The following SEC24D variants were observed in gnomAD, a reference collection of about 807,000 sequenced individuals.
SEC24D encodes SEC24 homolog D, COPII component, also known as protein transport protein Sec24D.
In SEC24D, 69 loss-of-function variants were observed where a neutral mutation model predicts 116.9. The observed-to-expected ratio is 0.59, with a 90% CI of 0.49 to 0.72. The LOEUF (loss-of-function observed/expected upper bound fraction) is 0.72, where lower values mean the gene tolerates loss of function less well. Ranked by LOEUF, SEC24D falls within the 30% of genes least tolerant of loss-of-function variation. The pLI is 0.00. For missense variants in SEC24D, 1,131 were observed against 1,264.1 expected, an observed-to-expected ratio of 0.89 and a Z score of 1.60; for synonymous variants, 405 against 442.8, an observed-to-expected ratio of 0.91 and a Z score of 1.07.
Position 118,815,558 on chromosome 4 carries a change from G to A in SEC24D, c.566C>T (p.Pro189Leu), listed in dbSNP as rs985072925. 8.7e-6 allele frequency: 14 copies of A among 1,614,156 alleles called. No homozygotes were observed. The highest frequency in any genetic ancestry group is 3.3e-5 in the Admixed American group (2 of 60,026). ...NGPGASPLPL[P>L]MYRPDGLSGP... ...AGAGAGCCCATCTGGTCTGTACATT[G>A]GTAGAGGCAAAGGTGAGGCACCAGG... is the stretch of plus-strand genomic sequence containing the variant. The change falls in exon 5 of 23, where the codon CCA (proline) becomes CTA (leucine). Residue 189 changes from proline (P) to leucine (L), a missense_variant. By Grantham distance (98) the Pro-to-Leu change is moderately conservative. Transcript: ENST00000280551.
chr4:118,778,344 C>A (rs545366474), intron 8 of SEC24D, among the ~76,000 whole-genome samples: 1 of 152,190 alleles, frequency 6.6e-6, no homozygotes, highest in Non-Finnish European at 1.5e-5. Flanking sequence ...GTTTTCTCAG[C>A]ACCATTTATT....
intron 9 of SEC24D, 138 bp downstream of exon 9, chr4:118,768,035 T>A: frequency 1.6e-6 from 1 of 617,278 alleles, no homozygotes; most frequent in Non-Finnish European, 2.6e-6. Flanking sequence ...CTGTCATAGT[T>A]GGTTTCCTTC....
At position 118,815,121 on chromosome 4, in the gene SEC24D, C is replaced by A. The variant is rs146949196; in HGVS notation, c.708G>T (p.Leu236=). The part of the protein sequence containing the change: ...NSGPQMAGAQ[L]SYPGGFPGGP... The stretch of plus-strand genomic sequence containing the variant: ...CTCCAGGGAAGCCTCCTGGGTAAGA[C>A]AGTTGTGCGCCTGCCATCTGGGGAC... Residue 236 remains leucine (L), a synonymous_variant, in exon 6 of 23, where the codon CTG becomes CTT. Coordinates refer to ENST00000280551, the MANE Select transcript of SEC24D (RefSeq NM_014822.4). 5.0e-6 allele frequency: 8 copies of A among 1,614,120 alleles called. No individual in the cohort carries two copies. Among genetic ancestry groups the A allele is most frequent in the Non-Finnish European group, 6.8e-6 (8 of 1,180,000 alleles).
At chr4:118,784,081 T>C (rs1216567476) in intron 8 of SEC24D, among the ~76,000 whole-genome samples, 1 of 152,256 alleles carries the variant, frequency 6.6e-6, no homozygotes, top group Non-Finnish European at 1.5e-5. Context: ...TCCCCTGTGC[T>C]CCGACTGGGC....
In SEC24D at chr4:118,763,860, G is replaced by A. The variant is rs1469863107; in HGVS notation, c.1296+942C>T. 2.0e-5 allele frequency among the ~76,000 whole-genome samples: 3 copies of A among 152,154 alleles called. No individual in the cohort carries two copies. The East Asian group carries it at 5.8e-4, about 29-fold the overall frequency. ...ATATAAGAAGGTTTAAATTCCATGGGGATAAATGCTAAAATAGAGATATAG... is the reference window on the plus strand; with the variant it reads ...ATATAAGAAGGTTTAAATTCCATGGAGATAAATGCTAAAATAGAGATATAG... On this transcript the variant is annotated intron_variant, in intron 10 of 22. Coordinates refer to ENST00000280551, the MANE Select transcript of SEC24D (RefSeq NM_014822.4).
At chr4:118,729,386 T>C (rs1578372953) in intron 21 of SEC24D, 1 of 152,220 alleles carries the variant, frequency 6.6e-6, no homozygotes, top group Non-Finnish European at 1.5e-5. Context: ...CAATTCCCCA[T>C]GGATACCAAG....
At chr4:118,770,390 C>T (rs567319419) in intron 8 of SEC24D, among the ~76,000 whole-genome samples, 6 of 152,180 alleles carry the variant, frequency 3.9e-5, no homozygotes, top group East Asian at 1.9e-4. Flanking sequence ...GAGTAAGAAG[C>T]GGAAGACAAC....
intron 11 of SEC24D, among the ~76,000 whole-genome samples, chr4:118,755,497 C>T (rs1447842027): frequency 6.7e-6 from 1 of 148,166 alleles, no homozygotes; most frequent in Non-Finnish European, 1.5e-5. Flanking sequence ...AACTAAAGAG[C>T]TTGATCTGAA....
chr4:118,815,784 C>G (rs936558817), intron 4 of SEC24D, 58 bp from the exon 5 acceptor site: 1 of 1,560,332 alleles, frequency 6.4e-7, no homozygotes, highest in African/African-American at 1.4e-5. Context: ...TCTCTGACTT[C>G]TGCAAAGTAC....
chr4:118,737,058 G>A (rs944275738), intron 19 of SEC24D, among the ~76,000 whole-genome samples: 3 of 152,214 alleles, frequency 2.0e-5, no homozygotes, highest in African/African-American at 7.2e-5. Flanking sequence ...TAATGCTCCT[G>A]AAGTGTGAGA....
At chr4:118,735,726 CTT>C (rs1271764205) in intron 19 of SEC24D, 3 of 144,998 alleles carry the variant, frequency 2.1e-5, no homozygotes, top group Non-Finnish European at 4.5e-5. Flanking sequence ...CAGGGTCTCA[CTT>C]TGTCATCCAG....
At chr4:118,816,126 G>A (rs1177598358) in intron 4 of SEC24D, among the ~76,000 whole-genome samples, 1 of 134,200 alleles carries the variant, frequency 7.5e-6, no homozygotes, top group East Asian at 2.2e-4. Flanking sequence ...TTGGGGTCTC[G>A]TGATATTGCT....
intron 3 of SEC24D, among the ~76,000 whole-genome samples, chr4:118,818,826 A>G (rs1207894450): frequency 1.3e-5 from 2 of 152,236 alleles, no homozygotes; most frequent in African/African-American, 4.8e-5. Flanking sequence ...AAGCTATCCT[A>G]TAGCAGAAAA....
chr4:118,818,582 C>T (rs1730252278), intron 3 of SEC24D, among the ~76,000 whole-genome samples: 1 of 152,124 alleles, frequency 6.6e-6, no homozygotes, highest in Admixed American at 6.5e-5. Flanking sequence ...AGCATATTTG[C>T]AGAATAGTAT....
At chr4:118,750,717 C>T (rs568680905) in intron 13 of SEC24D, among the ~76,000 whole-genome samples, 16 of 152,080 alleles carry the variant, frequency 1.1e-4, no homozygotes, top group South Asian at 2.1e-4. Context: ...TTTGTAGTAA[C>T]GTGGAATAAA....
chr4:118,834,732 C>G (rs957642624), intron 1 of SEC24D, among the ~76,000 whole-genome samples: 1 of 152,132 alleles, frequency 6.6e-6, no homozygotes, highest in Non-Finnish European at 1.5e-5. Context: ...GAAAATGAAG[C>G]CTTTCCAGAT....
At position 118,824,686 on chromosome 4, in the gene SEC24D, G is replaced by A. The variant is rs1283343654; in HGVS notation, c.182C>T (p.Pro61Leu). The A allele has an allele frequency of 1.2e-6, 2 of 1,608,860 alleles. No homozygotes were observed. The highest frequency in any genetic ancestry group is 2.7e-5 in the African/African-American group (2 of 74,578). The change falls in exon 3 of 23, where the codon CCC (proline) becomes CTC (leucine). Residue 61 changes from proline (P) to leucine (L), a missense_variant. By Grantham distance (98) the Pro-to-Leu change is moderately conservative. Transcript: ENST00000280551. The part of the protein sequence containing the change: ...TATRGMLPPG[P>L]PPPGPHQFGQ... Reference sequence around the variant, plus strand: ...AAACTGATGGGGTCCAGGAGGTGGGGGACCCGGAGGCAACATTCCCCTAGT... The same window carrying A: ...AAACTGATGGGGTCCAGGAGGTGGGAGACCCGGAGGCAACATTCCCCTAGT...
chr4:118,737,121 A>G (rs2110436590), intron 19 of SEC24D, among the ~76,000 whole-genome samples: 1 of 152,358 alleles, frequency 6.6e-6, no homozygotes, highest in Admixed American at 6.5e-5. Context: ...TAGTAAAATG[A>G]GGTAAATGTT....
At chr4:118,830,203 TTAAG>T (rs1341886976) in intron 2 of SEC24D, among the ~76,000 whole-genome samples, 1 of 152,200 alleles carries the variant, frequency 6.6e-6, no homozygotes, top group Non-Finnish European at 1.5e-5. Flanking sequence ...TTAATAGCCA[TTAAG>T]TAAGGAGAAA....
Sources: allele counts gnomAD v4.1 joint callset (sites outside exome capture counted in the v4.1 genomes callset), GRCh38; gene constraint gnomAD v4.1.1; transcripts MANE v1.5; gene names NCBI Gene and HGNC (gene_info 2026-07-23, HGNC 2026-07-21).